Variants in PLCE1 observed in about 807,000 individuals in gnomAD.
The protein encoded by PLCE1 is phospholipase C epsilon 1.
In PLCE1, 119 loss-of-function variants were observed where a neutral mutation model predicts 242.8. That is an observed-to-expected ratio of 0.49 (90% CI 0.42 to 0.57). PLCE1 has a LOEUF of 0.57. Ranked by LOEUF, PLCE1 falls within the 20% of genes least tolerant of loss-of-function variation. PLCE1 has a pLI of 0.00. For missense variants in PLCE1, 2,441 were observed against 2,788.8 expected (o/e 0.88, Z 2.81); for synonymous variants, 945 against 1,017.4 (o/e 0.93, Z 1.35).
intron 3 of PLCE1, among the ~76,000 whole-genome samples, chr10:94,170,142 T>TA (rs1415813681): frequency 1.3e-5 from 2 of 152,172 alleles, no homozygotes; most frequent in Non-Finnish European, 2.9e-5. Context: ...AAGTCATCCT[T>TA]ACGAACTTTG....
intron 3 of PLCE1, among the ~76,000 whole-genome samples, chr10:94,137,279 T>C (rs1210395057): frequency 5.3e-5 from 8 of 152,212 alleles, no homozygotes; most frequent in Non-Finnish European, 1.2e-4. Context: ...TAACACCTTA[T>C]AGCAGTGGCA....
chr10:94,140,551 A>C (rs2046925009), intron 3 of PLCE1, among the ~76,000 whole-genome samples: 2 of 152,150 alleles, frequency 1.3e-5, no homozygotes, highest in Admixed American at 1.3e-4. Flanking sequence ...CAAGTTTTCA[A>C]CTTATTTTCT....
rs772517513 is a variant in PLCE1, at chr10:94,293,676, T to C, written c.5167+37T>C. ...TTCTTACAATATCTTTGCTTGATTC[T>C]GCATGCTGGATGATTTAGATATTTT... On this transcript the variant is annotated intron_variant, in intron 23 of 32. Coordinates refer to ENST00000371380, the MANE Select transcript of PLCE1 (RefSeq NM_016341.4). 5 of 1,608,280 alleles carry C rather than the reference T, an allele frequency of 3.1e-6. No individual in the cohort carries two copies. The South Asian group carries it at 5.5e-5, about 18-fold the overall frequency.
Position 94,031,889 on chromosome 10 carries a change from C to G in PLCE1, c.843C>G (p.Ser281Arg), listed in dbSNP as rs1209041837. 3.7e-6 allele frequency: 6 copies of G among 1,613,722 alleles called. No individual in the cohort carries two copies. In the African/African-American group the frequency reaches 8.0e-5, roughly 22 times the overall value. ...TTGACATGGTATATTCAGGTGATAG[C>G]TTTTGTAGGAAAGACTTTACTGACA... The part of the protein sequence containing the change: ...EKVDMVYSGD[S>R]FCRKDFTDSQ... Residue 281 changes from serine (S) to arginine (R), a missense_variant, in exon 2 of 33, where the codon AGC (serine) becomes AGG (arginine). By Grantham distance (110) the Ser-to-Arg change is moderately radical. Around this residue, in one of 5 missense-constraint regions of PLCE1, gnomAD observed 393 missense variants for 378.5 expected, o/e 1.04. Coordinates refer to ENST00000371380, the MANE Select transcript of PLCE1 (RefSeq NM_016341.4).
chr10:94,047,728 G>A (rs2043636182), intron 2 of PLCE1, among the ~76,000 whole-genome samples: 1 of 152,142 alleles, frequency 6.6e-6, no homozygotes, highest in Non-Finnish European at 1.5e-5. Context: ...ACAGCCAATA[G>A]TAAAACTAGA....
chr10:94,260,969 A>G (rs1234325803), intron 13 of PLCE1, among the ~76,000 whole-genome samples: 2 of 152,170 alleles, frequency 1.3e-5, no homozygotes. Context: ...ATTTGTTACA[A>G]TTGAGTTAAT....
At chr10:94,230,611 T>TG (rs1554889390) in intron 5 of PLCE1, among the ~76,000 whole-genome samples, 1 of 146,892 alleles carries the variant, frequency 6.8e-6, no homozygotes, top group Non-Finnish European at 1.5e-5. Flanking sequence ...AGGCATGAGG[T>TG]AAAAAACAAT....
At chr10:94,327,618 G>A (rs573691748) in intron 32 of PLCE1, among the ~76,000 whole-genome samples, 1 of 152,096 alleles carries the variant, frequency 6.6e-6, no homozygotes, top group South Asian at 2.1e-4. Context: ...CCCTTTTAAA[G>A]TTTCAATAAT....
chr10:94,169,577 A>G (rs1475205702), intron 3 of PLCE1, among the ~76,000 whole-genome samples: 1 of 152,222 alleles, frequency 6.6e-6, no homozygotes, highest in African/African-American at 2.4e-5. Flanking sequence ...CTGTCTCAGC[A>G]TAGTTAAGAA....
intron 1 of PLCE1, among the ~76,000 whole-genome samples, chr10:94,022,861 G>A (rs2061396078): frequency 6.6e-6 from 1 of 152,076 alleles, no homozygotes; most frequent in Non-Finnish European, 1.5e-5. Flanking sequence ...CAAGGATTGG[G>A]CTCATATAGC....
intron 1 of PLCE1, among the ~76,000 whole-genome samples, chr10:94,026,764 T>C (rs922913926): frequency 4.6e-5 from 7 of 152,078 alleles, no homozygotes; most frequent in African/African-American, 1.2e-4. Flanking sequence ...ATTTAAGGAG[T>C]TGATCCCAGA....
In PLCE1 at chr10:94,246,395, GTGT is replaced by G; in HGVS notation, c.2872_2874del (p.Val958del). On this transcript the variant is annotated inframe_deletion, in exon 8 of 33. Transcript: ENST00000371380. The stretch of plus-strand genomic sequence containing the variant: ...CCTGGCATTGATATACACACTGTGT[GTGT>G]TCAGAACAAACTGGGTAGCATGTTC... 1 of 1,614,192 alleles carries G rather than the reference GTGT, an allele frequency of 6.2e-7. No homozygotes were observed. The highest frequency in any genetic ancestry group is 8.5e-7 in the Non-Finnish European group (1 of 1,179,998).
At chr10:94,316,064 A>G (rs1455934748) in intron 28 of PLCE1, among the ~76,000 whole-genome samples, 2 of 152,214 alleles carry the variant, frequency 1.3e-5, no homozygotes, top group Non-Finnish European at 2.9e-5. Context: ...AAGCCCTTTA[A>G]GCACACTGTC....
chr10:94,257,865 A>G (rs1423716844), intron 11 of PLCE1, among the ~76,000 whole-genome samples: 1 of 152,222 alleles, frequency 6.6e-6, no homozygotes, highest in Admixed American at 6.5e-5. Flanking sequence ...GCACATGTAT[A>G]CATATGTAAC....
intron 4 of PLCE1, among the ~76,000 whole-genome samples, chr10:94,198,807 G>A (rs1448843366): frequency 6.6e-6 from 1 of 152,110 alleles, no homozygotes; most frequent in East Asian, 1.9e-4. Flanking sequence ...CAGCATTTTG[G>A]GAGGCCAAGG....
At chr10:94,308,245 C>G (rs893899135) in intron 26 of PLCE1, among the ~76,000 whole-genome samples, 1 of 152,192 alleles carries the variant, frequency 6.6e-6, no homozygotes, top group African/African-American at 2.4e-5. Flanking sequence ...TAAAGCTGCT[C>G]TAAGATGGAA....
chr10:94,319,556 T>C (rs2053704187), intron 29 of PLCE1, among the ~76,000 whole-genome samples: 1 of 152,174 alleles, frequency 6.6e-6, no homozygotes, highest in Non-Finnish European at 1.5e-5. Context: ...CTTCCTGTGG[T>C]CAATGTGTCC....
chr10:94,065,677 C>T (rs2044177541), intron 2 of PLCE1, among the ~76,000 whole-genome samples: 1 of 152,108 alleles, frequency 6.6e-6, no homozygotes. Context: ...CAAAAGAAGG[C>T]CTTTAATTAA....
At chr10:94,148,255 A>G (rs2047174086) in intron 3 of PLCE1, among the ~76,000 whole-genome samples, 1 of 152,194 alleles carries the variant, frequency 6.6e-6, no homozygotes. Context: ...GGCAAGAACA[A>G]AGGCTTAGAT....
Sources: allele counts gnomAD v4.1 joint callset (sites outside exome capture counted in the v4.1 genomes callset), GRCh38; gene constraint gnomAD v4.1.1; regional missense constraint gnomAD v4.1.1; transcripts MANE v1.5; gene names NCBI Gene and HGNC (gene_info 2026-07-23, HGNC 2026-07-21).